Variants in MSRA observed in about 807,000 individuals in gnomAD.
MSRA encodes mitochondrial peptide methionine sulfoxide reductase.
A neutral mutation model predicts 31.3 loss-of-function variants in MSRA; 54 were observed. The observed-to-expected ratio is 1.73, with a 90% CI of 1.39 to 2.17. The LOEUF (loss-of-function observed/expected upper bound fraction) is 2.17, where lower values mean the gene tolerates loss of function less well. Ranked by LOEUF, MSRA falls within the 30% of genes most tolerant of loss-of-function variation. The probability of loss-of-function intolerance (pLI) is 0.00; values close to 1 mark genes in which losing one functional copy is unlikely to be tolerated. For missense variants in MSRA, 507 were observed against 300.9 expected (o/e 1.69, Z -5.07); for synonymous variants, 169 against 116.5 (o/e 1.45, Z -2.90).
chr8:10,317,214 C>T (rs926873520), intron 4 of MSRA, among the ~76,000 whole-genome samples: 68 of 152,280 alleles, frequency 4.5e-4, no homozygotes, highest in African/African-American at 1.4e-3. Context: ...CACTGTCAGC[C>T]GGTAACTCCT....
chr8:10,341,288 C>A (rs1024360353), intron 5 of MSRA, among the ~76,000 whole-genome samples: 1 of 152,114 alleles, frequency 6.6e-6, no homozygotes, highest in Non-Finnish European at 1.5e-5. Context: ...AGTTTCTGAT[C>A]ATGGAGGAAG....
At chr8:10,131,735 C>G (rs1458416118) in intron 1 of MSRA, among the ~76,000 whole-genome samples, 1 of 152,198 alleles carries the variant, frequency 6.6e-6, no homozygotes, top group Admixed American at 6.5e-5. Context: ...AGTGTCCACC[C>G]TGCAGCCAGC....
At chr8:10,081,882 C>T (rs551994748) in intron 1 of MSRA, among the ~76,000 whole-genome samples, 1 of 152,268 alleles carries the variant, frequency 6.6e-6, no homozygotes, top group Non-Finnish European at 1.5e-5. Context: ...AATTCTACCC[C>T]CTCTGCTGAC....
intron 3 of MSRA, among the ~76,000 whole-genome samples, chr8:10,274,255 A>G (rs1455709266): frequency 6.6e-6 from 1 of 152,198 alleles, no homozygotes; most frequent in Non-Finnish European, 1.5e-5. Context: ...TTGGGTATGT[A>G]CGGTGGGCCA....
intron 1 of MSRA, among the ~76,000 whole-genome samples, chr8:10,058,077 G>A (rs768582999): frequency 2.0e-5 from 3 of 152,136 alleles, no homozygotes; most frequent in Non-Finnish European, 4.4e-5. Context: ...ATTCTATCTT[G>A]GCTTTCTTGC....
intron 3 of MSRA, among the ~76,000 whole-genome samples, chr8:10,298,534 C>T (rs1800666511): frequency 6.6e-6 from 1 of 152,062 alleles, no homozygotes; most frequent in African/African-American, 2.4e-5. Flanking sequence ...GAAAAGAGTT[C>T]TGGAGCCGGA....
intron 2 of MSRA, among the ~76,000 whole-genome samples, chr8:10,209,357 T>C (rs879641980): frequency 1.3e-5 from 2 of 152,174 alleles, no homozygotes; most frequent in Non-Finnish European, 2.9e-5. Context: ...TATTGGGAAA[T>C]AGTAAATGAC....
intron 3 of MSRA, among the ~76,000 whole-genome samples, chr8:10,297,036 G>T (rs1800583066): frequency 6.6e-6 from 1 of 152,162 alleles, no homozygotes; most frequent in Non-Finnish European, 1.5e-5. Flanking sequence ...TTTCTCCACG[G>T]ATAGGAAGCT....
At chr8:10,400,361 CTG>C (rs778722885) in intron 5 of MSRA, among the ~76,000 whole-genome samples, 5 of 148,106 alleles carry the variant, frequency 3.4e-5, no homozygotes, top group African/African-American at 7.5e-5. Context: ...TATTCAGGCT[CTG>C]TGTGTGTGTG....
chr8:10,285,092 T>G (rs1374636911), intron 3 of MSRA, among the ~76,000 whole-genome samples: 4 of 151,968 alleles, frequency 2.6e-5, no homozygotes, highest in Non-Finnish European at 5.9e-5. Context: ...TTTAAGTGTA[T>G]TGTTCAGCAG....
chr8:10,356,634 C>T (rs780157890), intron 5 of MSRA, among the ~76,000 whole-genome samples: 12 of 152,148 alleles, frequency 7.9e-5, no homozygotes, highest in Non-Finnish European at 1.6e-4. Context: ...GAGAGTGGAG[C>T]CCTGATAAAT....
At chr8:10,309,794 C>T (rs1371146788) in intron 4 of MSRA, among the ~76,000 whole-genome samples, 6 of 152,100 alleles carry the variant, frequency 3.9e-5, no homozygotes, top group Non-Finnish European at 2.9e-5. Flanking sequence ...GGCTTCCCTG[C>T]CAGACGTGTG....
chr8:10,297,091 C>T (rs914723148), intron 3 of MSRA, among the ~76,000 whole-genome samples: 1 of 152,116 alleles, frequency 6.6e-6, no homozygotes, highest in Non-Finnish European at 1.5e-5. Context: ...TCGGGGTTCT[C>T]TTTAAAGGCA....
intron 1 of MSRA, among the ~76,000 whole-genome samples, chr8:10,089,810 C>T (rs888524315): frequency 1.3e-5 from 2 of 152,156 alleles, no homozygotes; most frequent in African/African-American, 4.8e-5. Context: ...TTATAACAAC[C>T]CAGTCTCAGG....
chr8:10,414,552 A>G (rs983219551), intron 5 of MSRA, among the ~76,000 whole-genome samples: 23 of 152,180 alleles, frequency 1.5e-4, no homozygotes, highest in African/African-American at 4.8e-4. Flanking sequence ...CAGTGAGACT[A>G]TTCTTTCTAG....
intron 1 of MSRA, among the ~76,000 whole-genome samples, chr8:10,182,299 T>C (rs1210123220): frequency 6.6e-6 from 1 of 152,238 alleles, no homozygotes; most frequent in Non-Finnish European, 1.5e-5. Context: ...GAGTATAAAC[T>C]AAACTGTGTG....
At chr8:10,369,572 A>G (rs1038058918) in intron 5 of MSRA, among the ~76,000 whole-genome samples, 1 of 152,226 alleles carries the variant, frequency 6.6e-6, no homozygotes, top group Non-Finnish European at 1.5e-5. Context: ...TAAAACTCCC[A>G]TCAGAGATTA....
intron 1 of MSRA, among the ~76,000 whole-genome samples, chr8:10,065,310 A>G (rs1052486956): frequency 1.1e-4 from 16 of 152,188 alleles, no homozygotes; most frequent in Non-Finnish European, 2.2e-4. Context: ...CCAGGAGTAG[A>G]AACTTCACCT....
chr8:10,143,319 A>C (rs759601471), intron 1 of MSRA, among the ~76,000 whole-genome samples: 9 of 152,206 alleles, frequency 5.9e-5, no homozygotes, highest in Non-Finnish European at 1.2e-4. Context: ...AAATGCTGGC[A>C]TCTTAATTTT....
Sources: gnomAD v4.1 joint callset for allele counts (sites outside exome capture counted in the v4.1 genomes callset) on GRCh38, gnomAD v4.1.1 for gene constraint, MANE v1.5 for transcripts, NCBI Gene and HGNC (gene_info 2026-07-23, HGNC 2026-07-21) for gene names.